The following ELAVL4 variants were observed in gnomAD, a reference collection of about 807,000 sequenced individuals.
ELAVL4 encodes ELAV-like protein 4.
Under a neutral mutation model 35.6 loss-of-function variants are expected in ELAVL4, and 1 was observed. The observed-to-expected ratio is 0.03, with a 90% CI of 0.01 to 0.13. The LOEUF (loss-of-function observed/expected upper bound fraction) is 0.13, where lower values mean the gene tolerates loss of function less well. ELAVL4 is among the 10% of genes least tolerant of loss of function. The pLI is 1.00. For synonymous variants in ELAVL4, 156 were observed against 171.0 expected, an observed-to-expected ratio of 0.91 and a Z score of 0.69; for missense variants, 267 against 464.9, an observed-to-expected ratio of 0.57 and a Z score of 3.91.
Position 50,109,058 on chromosome 1 carries a change from C to A in ELAVL4, c.-132C>A. The A allele has an allele frequency of 1.4e-5, 6 of 438,576 alleles. No homozygotes were observed. The highest frequency in any genetic ancestry group is 1.7e-5 in the Non-Finnish European group (6 of 349,224). 27.2% of individuals were successfully genotyped at this position (438,576 alleles called of 1,614,324 possible). On this transcript the variant is annotated 5_prime_UTR_variant, in exon 1 of 7. Coordinates refer to ENST00000371824, the MANE Select transcript of ELAVL4 (RefSeq NM_001144774.3). Reference sequence around the variant, plus strand: ...AAAAATAATTGATTTGCTTTACAATCATCCACACTGTGTTTTGTGGATCTT... The same window carrying A: ...AAAAATAATTGATTTGCTTTACAATAATCCACACTGTGTTTTGTGGATCTT...
At chr1:50,190,819 A>T in intron 3 of ELAVL4, among the ~76,000 whole-genome samples, 1 of 152,174 alleles carries the variant, frequency 6.6e-6, no homozygotes, top group East Asian at 1.9e-4. Flanking sequence ...ATGACTATCC[A>T]TTATGCATTT....
At chr1:50,141,252 T>G (rs562608232) in intron 1 of ELAVL4, among the ~76,000 whole-genome samples, 14 of 152,224 alleles carry the variant, frequency 9.2e-5, no homozygotes, top group African/African-American at 3.4e-4. Context: ...ATAAGCTGCC[T>G]TGGTGTGGGA....
At chr1:50,091,438 A>C (rs757505967) in intron 1 of ELAVL4, among the ~76,000 whole-genome samples, 2 of 151,894 alleles carry the variant, frequency 1.3e-5, no homozygotes, top group Non-Finnish European at 2.9e-5. Flanking sequence ...GGATTTTTCC[A>C]CTCCCATTCT....
At chr1:50,178,255 A>G (rs1429082176) in intron 3 of ELAVL4, among the ~76,000 whole-genome samples, 1 of 152,186 alleles carries the variant, frequency 6.6e-6, no homozygotes, top group Admixed American at 6.5e-5. Flanking sequence ...ACAAAAGAGA[A>G]ACCTCTCCCA....
At chr1:50,123,125 A>G (rs1669306176) in intron 1 of ELAVL4, among the ~76,000 whole-genome samples, 2 of 152,014 alleles carry the variant, frequency 1.3e-5, no homozygotes. Context: ...ATATTGTCAT[A>G]TACATGTCTC....
intron 1 of ELAVL4, among the ~76,000 whole-genome samples, chr1:50,142,910 G>A (rs1219858213): frequency 6.6e-6 from 1 of 152,142 alleles, no homozygotes; most frequent in African/African-American, 2.4e-5. Context: ...TCCACACAAT[G>A]GAAATTGCTA....
upstream of ELAVL4, chr1:50,105,812 G>A (rs1187601677): frequency 6.4e-6 from 1 of 155,468 alleles, no homozygotes; most frequent in Admixed American, 6.3e-5. Flanking sequence ...TGACTGTTCC[G>A]TGGTGCGCAA....
At chr1:50,129,341 T>C (rs569754986) in intron 1 of ELAVL4, among the ~76,000 whole-genome samples, 1 of 152,234 alleles carries the variant, frequency 6.6e-6, no homozygotes, top group East Asian at 1.9e-4. Context: ...TCTTCCACCC[T>C]GAGTTTCCTT....
At position 50,080,416 on chromosome 1, in the gene ELAVL4, TCACA is replaced by T. The variant is rs71751816; in HGVS notation, c.18+32254_18+32257del. Among the ~76,000 whole-genome samples the T allele has an allele frequency of 5.9e-4, 88 of 149,500 alleles. No homozygotes were observed. In the East Asian group the frequency reaches 1.0e-2, roughly 17 times the overall value. On this transcript the variant is annotated intron_variant, in intron 1 of 6. Coordinates refer to the ELAVL4 transcript ENST00000448907. ...TCAAAGGTGTAATATGTTGTTGATT[TCACA>T]CACACACACACACACACACTCACAC...
At chr1:50,073,372 A>C (rs1418127293) in intron 1 of ELAVL4, among the ~76,000 whole-genome samples, 1 of 152,210 alleles carries the variant, frequency 6.6e-6, no homozygotes, top group Non-Finnish European at 1.5e-5. Context: ...TATTTTAAAA[A>C]ATCCTAATTG....
chr1:50,060,591 G>A (rs1018637694), intron 1 of ELAVL4, among the ~76,000 whole-genome samples: 14 of 152,238 alleles, frequency 9.2e-5, no homozygotes, highest in Admixed American at 2.0e-4. Context: ...GGCCTGGGTC[G>A]GCCTCTAGCT....
intron 1 of ELAVL4, among the ~76,000 whole-genome samples, chr1:50,053,018 A>G (rs555873911): frequency 2.6e-5 from 4 of 152,326 alleles, no homozygotes; most frequent in South Asian, 2.1e-4. Flanking sequence ...TTTTATTAGT[A>G]TAATAACAGA....
At chr1:50,056,495 A>T (rs1414482535) in intron 1 of ELAVL4, among the ~76,000 whole-genome samples, 1 of 152,208 alleles carries the variant, frequency 6.6e-6, no homozygotes, top group Non-Finnish European at 1.5e-5. Flanking sequence ...GTTTGTGGTA[A>T]TAGTGGTGTA....
intron 3 of ELAVL4, among the ~76,000 whole-genome samples, chr1:50,191,244 T>C: frequency 6.6e-6 from 1 of 152,278 alleles, no homozygotes; most frequent in Non-Finnish European, 1.5e-5. Context: ...TCATAGTAGA[T>C]CCTCAGGAAA....
intron 3 of ELAVL4, 101 bp downstream of exon 3, chr1:50,177,293 C>G (rs570338054): frequency 4.6e-6 from 4 of 868,840 alleles, no homozygotes; most frequent in African/African-American, 3.4e-5. Flanking sequence ...AAGCAGTGTT[C>G]TTGATTTATT....
intron 1 of ELAVL4, among the ~76,000 whole-genome samples, chr1:50,111,767 A>G (rs1418492042): frequency 6.6e-6 from 1 of 152,114 alleles, no homozygotes; most frequent in Non-Finnish European, 1.5e-5. Context: ...CCATGTGTGC[A>G]CTGGGTGACA....
intron 1 of ELAVL4, among the ~76,000 whole-genome samples, chr1:50,127,418 G>C (rs542050847): frequency 4.6e-5 from 7 of 152,120 alleles, no homozygotes; most frequent in Non-Finnish European, 1.0e-4. Flanking sequence ...GTGGACTCCA[G>C]GGAGTCTTGC....
chr1:50,107,459 A>G (rs939232515), upstream of ELAVL4, among the ~76,000 whole-genome samples: 25 of 152,316 alleles, frequency 1.6e-4, no homozygotes, highest in African/African-American at 6.0e-4. Context: ...GTATGTTTAT[A>G]TGTGTGTGTT....
At chr1:50,050,606 G>A (rs1378558768) in intron 1 of ELAVL4, among the ~76,000 whole-genome samples, 1 of 152,138 alleles carries the variant, frequency 6.6e-6, no homozygotes, top group Admixed American at 6.5e-5. Flanking sequence ...GTTAGAGAAG[G>A]TGCTTTAATT....
Sources: gnomAD v4.1 joint callset for allele counts (sites outside exome capture counted in the v4.1 genomes callset) on GRCh38, gnomAD v4.1.1 for gene constraint, MANE v1.5 for transcripts, NCBI Gene and HGNC (gene_info 2026-07-23, HGNC 2026-07-21) for gene names.